LHFPL3: variants seen among roughly 807,000 people sequenced by gnomAD.
The protein encoded by LHFPL3 is LHFPL tetraspan subfamily member 3.
In LHFPL3, 5 loss-of-function variants were observed where a neutral mutation model predicts 19.3. That is an observed-to-expected ratio of 0.26 (90% CI 0.14 to 0.54). The LOEUF is 0.54. Among genes scored for constraint, LHFPL3 ranks in the 20% least tolerant of loss-of-function variants. LHFPL3 has a pLI of 0.94. For missense variants in LHFPL3, 249 were observed against 307.4 expected (o/e 0.81, Z 1.42); for synonymous variants, 133 against 126.2 (o/e 1.05, Z -0.36).
chr7:104,568,914 C>G (rs1426537850), intron 1 of LHFPL3, among the ~76,000 whole-genome samples: 1 of 152,070 alleles, frequency 6.6e-6, no homozygotes, highest in Non-Finnish European at 1.5e-5. Flanking sequence ...AATGTTTTGG[C>G]TAAATATTAA....
chr7:104,469,969 G>A (rs978433079), intron 1 of LHFPL3: 3 of 455,718 alleles, frequency 6.6e-6, no homozygotes, highest in African/African-American at 6.0e-5. Context: ...GGAAATAGGT[G>A]GTTGCGCTTG....
At chr7:104,587,569 A>G (rs576094347) in intron 1 of LHFPL3, among the ~76,000 whole-genome samples, 42 of 152,268 alleles carry the variant, frequency 2.8e-4, no homozygotes, top group African/African-American at 8.9e-4. Flanking sequence ...GAATAGTGCC[A>G]CAATAAACAT....
In LHFPL3 at chr7:104,668,567, C is replaced by G. The variant is rs184811930; in HGVS notation, c.446-68108C>G. 4.3e-6 allele frequency: 7 copies of G among 1,612,788 alleles called. No individual in the cohort carries two copies. In the African/African-American group the frequency reaches 9.3e-5, roughly 22 times the overall value. On this transcript the variant is annotated intron_variant, in intron 1 of 2. Coordinates refer to ENST00000424859, the MANE Select transcript of LHFPL3 (RefSeq NM_199000.3). ...GCTATGATTCCCGGATAGGCAGTGG[C>G]AGAAGAGCATTTGGCAGTGGGTATC...
chr7:104,818,653 A>G (rs1584552043), intron 2 of LHFPL3, among the ~76,000 whole-genome samples: 1 of 152,160 alleles, frequency 6.6e-6, no homozygotes, highest in South Asian at 2.1e-4. Flanking sequence ...TAAATTTCAG[A>G]TGTTCAAAAG....
At chr7:104,415,994 A>G (rs1047449545) in intron 1 of LHFPL3, among the ~76,000 whole-genome samples, 4 of 152,218 alleles carry the variant, frequency 2.6e-5, no homozygotes, top group Non-Finnish European at 5.9e-5. Flanking sequence ...CTCCATAAAA[A>G]GATATGAAGT....
intron 1 of LHFPL3, among the ~76,000 whole-genome samples, chr7:104,491,524 A>G (rs1405942033): frequency 6.6e-6 from 1 of 152,102 alleles, no homozygotes; most frequent in African/African-American, 2.4e-5. Flanking sequence ...TAAAAACAAC[A>G]GCCCACACAT....
chr7:104,853,821 T>A (rs1345166313), intron 2 of LHFPL3, among the ~76,000 whole-genome samples: 1 of 152,200 alleles, frequency 6.6e-6, no homozygotes, highest in Non-Finnish European at 1.5e-5. Context: ...TTGGAGATAA[T>A]CATCTTTGCC....
rs567222155 is a variant in LHFPL3 at position 104,764,255 on chromosome 7, G to A, written c.682+27344G>A. Among the ~76,000 whole-genome samples, 10 of 151,098 alleles carry A rather than the reference G, an allele frequency of 6.6e-5. No homozygotes were observed. In the East Asian group the frequency reaches 7.8e-4, roughly 12 times the overall value. On this transcript the variant is annotated intron_variant, in intron 2 of 2. Coordinates refer to ENST00000424859, the MANE Select transcript of LHFPL3 (RefSeq NM_199000.3). ...GTGATCTCGGTTCACTGCAACCTCC[G>A]CCCCCAAGTTTCTAGCAATTCTCCT...
intron 2 of LHFPL3, among the ~76,000 whole-genome samples, chr7:104,761,831 T>C (rs1457664639): frequency 6.6e-6 from 1 of 152,136 alleles, no homozygotes; most frequent in Non-Finnish European, 1.5e-5. Flanking sequence ...CAGAATACCA[T>C]ATTGCCATCC....
At chr7:104,431,459 T>G (rs947255437) in intron 1 of LHFPL3, among the ~76,000 whole-genome samples, 13 of 152,258 alleles carry the variant, frequency 8.5e-5, no homozygotes, top group Non-Finnish European at 2.9e-5. Context: ...ATTCTTTTGT[T>G]TCTTTTCTTT....
At chr7:104,605,432 TAA>T in intron 1 of LHFPL3, among the ~76,000 whole-genome samples, 1 of 152,248 alleles carries the variant, frequency 6.6e-6, no homozygotes, top group East Asian at 1.9e-4. Flanking sequence ...CTGTTTTGGT[TAA>T]GTCTTTCAAA....
chr7:104,604,756 C>G (rs561181706), intron 1 of LHFPL3, among the ~76,000 whole-genome samples: 135 of 152,188 alleles, frequency 8.9e-4, no homozygotes, highest in African/African-American at 3.2e-3. Flanking sequence ...CTTTTTTTAA[C>G]TTAGGGAAAG....
intron 1 of LHFPL3, among the ~76,000 whole-genome samples, chr7:104,419,541 G>T (rs1791686721): frequency 6.6e-6 from 1 of 152,140 alleles, no homozygotes; most frequent in Non-Finnish European, 1.5e-5. Context: ...GGTGACTAGA[G>T]GATTCTGATA....
chr7:104,576,631 G>A (rs898033414), intron 1 of LHFPL3, among the ~76,000 whole-genome samples: 4 of 152,054 alleles, frequency 2.6e-5, no homozygotes, highest in African/African-American at 9.7e-5. Context: ...GTCTGAGAGA[G>A]TTGGGTTTTT....
intron 1 of LHFPL3, among the ~76,000 whole-genome samples, chr7:104,725,522 T>A (rs1233758610): frequency 6.6e-6 from 1 of 152,240 alleles, no homozygotes; most frequent in Non-Finnish European, 1.5e-5. Context: ...TCAAATATTT[T>A]AAAATATTCC....
intron 1 of LHFPL3, among the ~76,000 whole-genome samples, chr7:104,543,933 A>AAAACC (rs1794534623): frequency 6.6e-6 from 1 of 150,388 alleles, no homozygotes; most frequent in Non-Finnish European, 1.5e-5. Context: ...TAATAATAAT[A>AAAACC]AAACCTAGAT....
intron 1 of LHFPL3, among the ~76,000 whole-genome samples, chr7:104,628,651 G>A (rs1791587998): frequency 6.6e-6 from 1 of 152,144 alleles, no homozygotes; most frequent in South Asian, 2.1e-4. Flanking sequence ...GTGCAGAATG[G>A]CTGGATTATT....
intron 2 of LHFPL3, among the ~76,000 whole-genome samples, chr7:104,866,435 G>A (rs10271917): frequency 0.016 from 2,405 of 152,232 alleles, 65 homozygotes; most frequent in African/African-American, 0.053. Flanking sequence ...CCTAATCTCT[G>A]ATAAAACAAA....
chr7:104,350,332 C>T lies in LHFPL3; in HGVS notation c.445+21108C>T, dbSNP rs558737635. ...TGTAGCAAGTTCTATTGGACAGAAC[C>T]GTCAGAGAAGCAATGAAGCCAGTCT... is the stretch of plus-strand genomic sequence containing the variant. On this transcript the variant is annotated intron_variant, in intron 1 of 2. Transcript: ENST00000424859. Among the ~76,000 whole-genome samples the T allele has an allele frequency of 2.7e-4, 41 of 152,192 alleles. No individual in the cohort carries two copies. The East Asian group carries it at 2.7e-3, about 10-fold the overall frequency.
Sources: allele counts gnomAD v4.1 joint callset (sites outside exome capture counted in the v4.1 genomes callset), GRCh38; gene constraint gnomAD v4.1.1; transcripts MANE v1.5; gene names NCBI Gene and HGNC (gene_info 2026-07-23, HGNC 2026-07-21).